Variants in JADE3 observed in about 807,000 individuals in gnomAD.
The protein encoded by JADE3 is protein Jade-3.
Under a neutral mutation model 50.1 loss-of-function variants are expected in JADE3, and 2 were observed. That is an observed-to-expected ratio of 0.04 (90% CI 0.02 to 0.13). The LOEUF (loss-of-function observed/expected upper bound fraction) is 0.13, where lower values mean the gene tolerates loss of function less well. Ranked by LOEUF, JADE3 falls within the 10% of genes least tolerant of loss-of-function variation. The pLI is 1.00. For missense variants in JADE3, 475 were observed against 634.4 expected (o/e 0.75, Z 2.70); for synonymous variants, 218 against 232.9 (o/e 0.94, Z 0.58).
intron 1 of JADE3, among the ~76,000 whole-genome samples, chrX:46,981,870 A>G (rs1482477522): frequency 4.5e-5 from 5 of 111,687 alleles, no homozygotes; most frequent in African/African-American, 1.6e-4. Flanking sequence ...GTTCTCTTGT[A>G]AGTGATGAGT....
At chrX:47,031,306 T>TA (rs1929012712) in intron 6 of JADE3, among the ~76,000 whole-genome samples, 1 of 111,355 alleles carries the variant, frequency 9.0e-6, no homozygotes, top group South Asian at 3.8e-4. Context: ...CAAAGAGCTT[T>TA]AAAGGTTAGA....
At chrX:46,954,908 T>G (rs1478264306) in intron 1 of JADE3, among the ~76,000 whole-genome samples, 1 of 112,412 alleles carries the variant, frequency 8.9e-6, no homozygotes, top group Non-Finnish European at 1.9e-5. Flanking sequence ...TCTGTTGAGA[T>G]CTGTCAGGTT....
At chrX:46,938,323 A>AT (rs782143333) in intron 1 of JADE3, among the ~76,000 whole-genome samples, 5 of 110,170 alleles carry the variant, frequency 4.5e-5, no homozygotes, top group Non-Finnish European at 7.6e-5. Context: ...ACCTACTGTG[A>AT]TTTTTTAGTT....
chrX:47,014,231 T>A (rs1928624618), intron 4 of JADE3, among the ~76,000 whole-genome samples: 1 of 112,307 alleles, frequency 8.9e-6, no homozygotes, highest in Non-Finnish European at 1.9e-5. Context: ...GAATTGTGAC[T>A]GAAGAACTGT....
chrX:46,995,234 T>C (rs1163635731), intron 3 of JADE3, among the ~76,000 whole-genome samples: 1 of 110,616 alleles, frequency 9.0e-6, no homozygotes, highest in East Asian at 2.8e-4. Flanking sequence ...TTTCACCGTG[T>C]TAACCAGGAT....
At chrX:46,958,125 G>A (rs1184774469) in intron 1 of JADE3, among the ~76,000 whole-genome samples, 1 of 111,400 alleles carries the variant, frequency 9.0e-6, no homozygotes. Flanking sequence ...CACCATTAAT[G>A]GTACTCAGAT....
At position 47,023,758 on chromosome X, in the gene JADE3, T is replaced by C. The variant is rs781871389; in HGVS notation, c.285-966T>C. ...CCTTCTCTACTAAAAATACAAAAAATTAGCTGGGCGTGGTGGCACTTGCCT... is the reference window on the plus strand; with the variant it reads ...CCTTCTCTACTAAAAATACAAAAAACTAGCTGGGCGTGGTGGCACTTGCCT... On this transcript the variant is annotated intron_variant, in intron 4 of 10. Transcript: ENST00000614628. 2.7e-5 allele frequency among the ~76,000 whole-genome samples: 3 copies of C among 111,056 alleles called. No homozygotes were observed. In the East Asian group the frequency reaches 8.6e-4, roughly 32 times the overall value.
intron 1 of JADE3, among the ~76,000 whole-genome samples, chrX:46,926,257 AT>A (rs1261102006): frequency 7.1e-4 from 72 of 101,078 alleles, no homozygotes; most frequent in Non-Finnish European, 1.3e-3. Context: ...GGTTCTGTGG[AT>A]TTTTTTTTTA....
rs140737588 is a variant in JADE3 at position 46,918,201 on chromosome X, C to T, written c.-12+5482C>T. Among the ~76,000 whole-genome samples, 592 of 111,610 alleles carry T rather than the reference C, an allele frequency of 5.3e-3. 3 individuals are homozygous for T. Among genetic ancestry groups the T allele is most frequent in the African/African-American group, 0.017 (519 of 30,685 alleles). On this transcript the variant is annotated intron_variant, in intron 1 of 10. Coordinates refer to ENST00000614628, the MANE Select transcript of JADE3 (RefSeq NM_014735.5). ...GGGAGCTCTTTCAGCTCTCACTGATCCCTGTCACATGGGGAAAAAGTAGAA... is the reference window on the plus strand; with the variant it reads ...GGGAGCTCTTTCAGCTCTCACTGATTCCTGTCACATGGGGAAAAAGTAGAA...
chrX:46,950,402 G>A (rs1316377662), intron 1 of JADE3, among the ~76,000 whole-genome samples: 2 of 112,602 alleles, frequency 1.8e-5, no homozygotes, highest in African/African-American at 6.4e-5. Context: ...GGTCTTGTGT[G>A]TCCAGATTCT....
Position 46,953,215 on chromosome X carries a change from C to G in JADE3, c.-11-31669C>G, listed in dbSNP as rs1332080400. 1.7e-4 allele frequency among the ~76,000 whole-genome samples: 17 copies of G among 100,862 alleles called. 1 individual carries two copies. Among genetic ancestry groups the G allele is most frequent in the African/African-American group, 5.8e-4 (16 of 27,470 alleles). 87.6% of individuals were successfully genotyped at this position (100,862 alleles called of 115,157 possible). A position where few individuals can be genotyped will look rare whatever the true frequency, so the allele number is the denominator to read the frequency against. On this transcript the variant is annotated intron_variant, in intron 1 of 10. Coordinates refer to ENST00000614628, the MANE Select transcript of JADE3 (RefSeq NM_014735.5). ...CCAGGGGATTCCCCCCCCACCGCCC[C>G]CCACCGCCACCTCACCACTCCAGTT... is the stretch of plus-strand genomic sequence containing the variant.
intron 8 of JADE3, among the ~76,000 whole-genome samples, chrX:47,043,600 G>A (rs1348419011): frequency 2.7e-5 from 3 of 110,999 alleles, no homozygotes; most frequent in African/African-American, 3.3e-5. Flanking sequence ...CGGGTGGATC[G>A]CAAGGTCAGG....
At chrX:46,974,767 C>A (rs1927574124) in intron 1 of JADE3, among the ~76,000 whole-genome samples, 1 of 112,249 alleles carries the variant, frequency 8.9e-6, no homozygotes, top group Non-Finnish European at 1.9e-5. Context: ...TCAGGGAATA[C>A]CCCTTTGTTA....
chrX:47,020,585 CTTGTAG>C (rs1928774391), intron 4 of JADE3, among the ~76,000 whole-genome samples: 1 of 111,782 alleles, frequency 8.9e-6, no homozygotes, highest in Non-Finnish European at 1.9e-5. Flanking sequence ...CATGTATTTT[CTTGTAG>C]TTGGTGTTAC....
At chrX:46,996,930 A>G (rs1556357538) in intron 3 of JADE3, among the ~76,000 whole-genome samples, 2 of 112,283 alleles carry the variant, frequency 1.8e-5, no homozygotes, top group African/African-American at 6.5e-5. Flanking sequence ...AACTATGTAG[A>G]GCAGATTTCA....
rs782527607 is a variant in JADE3, at chrX:46,954,081, G to C, written c.-11-30803G>C. Among the ~76,000 whole-genome samples, 13 of 111,715 alleles carry C rather than the reference G, an allele frequency of 1.2e-4. No individual in the cohort carries two copies. The South Asian group carries it at 4.5e-3, about 39-fold the overall frequency. Reference sequence around the variant, plus strand: ...ATTTGAAGGATGGAGAAACCTGGAGGGGGGTGGGAATCAGGTTTTGCTCAT... The same window carrying C: ...ATTTGAAGGATGGAGAAACCTGGAGCGGGGTGGGAATCAGGTTTTGCTCAT... On this transcript the variant is annotated intron_variant, in intron 1 of 10. Transcript: ENST00000614628.
At chrX:46,984,327 T>C (rs1556353899) in intron 1 of JADE3, among the ~76,000 whole-genome samples, 1 of 112,190 alleles carries the variant, frequency 8.9e-6, no homozygotes, top group African/African-American at 3.2e-5. Flanking sequence ...GTAGTGTATA[T>C]ATAATTTTGA....
chrX:46,958,905 A>G (rs1380649572), intron 1 of JADE3, among the ~76,000 whole-genome samples: 1 of 111,658 alleles, frequency 9.0e-6, no homozygotes, highest in Admixed American at 9.5e-5. Flanking sequence ...CTTCCCAGCC[A>G]GGGCATCTTT....
At chrX:46,977,738 G>A (rs1020012769) in intron 1 of JADE3, among the ~76,000 whole-genome samples, 7 of 111,495 alleles carry the variant, frequency 6.3e-5, no homozygotes, top group Non-Finnish European at 1.1e-4. Context: ...AGGGGAAGAG[G>A]GTAACCGGGT....
Sources: gnomAD v4.1 joint callset for allele counts (sites outside exome capture counted in the v4.1 genomes callset) on GRCh38, gnomAD v4.1.1 for gene constraint, MANE v1.5 for transcripts, NCBI Gene and HGNC (gene_info 2026-07-23, HGNC 2026-07-21) for gene names.